The following RBM10 variants were observed in gnomAD, a reference collection of about 807,000 sequenced individuals.
RBM10 encodes the protein RNA-binding protein 10.
A neutral mutation model predicts 84.9 loss-of-function variants in RBM10; 1 was observed. That is an observed-to-expected ratio of 0.01 (90% confidence interval 0.00 to 0.06). The LOEUF (loss-of-function observed/expected upper bound fraction) is 0.06, where lower values mean the gene tolerates loss of function less well. RBM10 is among the 10% of genes least tolerant of loss of function. The pLI is 1.00. For missense variants in RBM10, 438 were observed against 839.0 expected, an observed-to-expected ratio of 0.52 and a Z score of 5.90; for synonymous variants, 326 against 344.5, an observed-to-expected ratio of 0.95 and a Z score of 0.60.
intron 17 of RBM10, 38 bp from the exon 18 acceptor site, chrX:47,185,017 G>A (rs1935803905): frequency 1.7e-6 from 2 of 1,189,988 alleles, no homozygotes; most frequent in Admixed American, 4.6e-5. Flanking sequence ...CCAGGGTCAT[G>A]AGGGTTCTGG....
At chrX:47,158,318 C>T (rs896414235) in intron 2 of RBM10, 24 of 124,816 alleles carry the variant, frequency 1.9e-4, no homozygotes, top group African/African-American at 6.4e-4. Flanking sequence ...GGAAAGGGCT[C>T]GGGGTGCGGG....
chrX:47,173,925 C>CTCTCTT, intron 5 of RBM10, among the ~76,000 whole-genome samples: 1 of 101,448 alleles, frequency 9.9e-6, no homozygotes, highest in Non-Finnish European at 2.0e-5. Flanking sequence ...CTCTCTCTCT[C>CTCTCTT]TCTCTCTCTT....
chrX:47,156,719 T>A (rs1169152957), intron 2 of RBM10: 1 of 162,611 alleles, frequency 6.1e-6, no homozygotes, highest in African/African-American at 3.2e-5. Flanking sequence ...TGCAGCAGAG[T>A]CTCGGGTGCG....
chrX:47,185,395 G>T lies in RBM10; in HGVS notation c.2166+28G>T, dbSNP rs201371248. The stretch of plus-strand genomic sequence containing the variant: ...GAGTGCCCAAGGCAGAGAGGGGCGG[G>T]GGCTCTGATCTGGCCAGGCCTGACC... On this transcript the variant is annotated intron_variant, in intron 19 of 23. Coordinates refer to ENST00000377604, the MANE Select transcript of RBM10 (RefSeq NM_005676.5). 283 of 1,181,533 alleles carry T rather than the reference G, an allele frequency of 2.4e-4. 1 individual carries two copies. The East Asian group carries it at 6.7e-3, about 28-fold the overall frequency.
At chrX:47,183,860 C>A (rs948598839) in intron 17 of RBM10, among the ~76,000 whole-genome samples, 49 of 109,270 alleles carry the variant, frequency 4.5e-4, no homozygotes, top group Non-Finnish European at 1.9e-4. Context: ...CCATGCCCAG[C>A]TAATTTTTTT....
chrX:47,156,173 C>T (rs1189590169), intron 2 of RBM10, among the ~76,000 whole-genome samples: 1 of 110,790 alleles, frequency 9.0e-6, no homozygotes, highest in Non-Finnish European at 1.9e-5. Flanking sequence ...CTAAGTTTCT[C>T]GTATTTTTTA....
chrX:47,173,930 T>TCTCTCTCA, intron 5 of RBM10, among the ~76,000 whole-genome samples: 1 of 95,765 alleles, frequency 1.0e-5, no homozygotes, highest in South Asian at 5.0e-4. Flanking sequence ...TCTCTCTCTC[T>TCTCTCTCA]CTCTTTCTCC....
rs1935845531 is a variant in RBM10, at chrX:47,185,585, C to G, written c.2310C>G (p.Ser770Arg). The G allele has an allele frequency of 8.3e-7, 1 of 1,203,390 alleles. No individual in the cohort carries two copies. The highest frequency in any genetic ancestry group is 2.2e-5 in the Admixed American group (1 of 45,013). ...ACLLCRRQFP[S>R]KEALIRHQQL... ...TGCTCTGCCGACGCCAGTTCCCCAG[C>G]AAAGAGGCGCTCATCCGGCACCAGC... Residue 770 changes from serine to arginine, a missense_variant, in exon 20 of 24, where the codon AGC (serine) becomes AGG (arginine). Physicochemically the swap from Ser to Arg is moderately radical, Grantham distance 110. Transcript: ENST00000377604.
At chrX:47,170,678 GA>G (rs1934580477) in intron 3 of RBM10, among the ~76,000 whole-genome samples, 1 of 112,263 alleles carries the variant, frequency 8.9e-6, no homozygotes, top group African/African-American at 3.2e-5. Flanking sequence ...GGCCAGAGAG[GA>G]GAGGAAAATC....
chrX:47,184,377 C>T (rs1463943192), intron 17 of RBM10, among the ~76,000 whole-genome samples: 1 of 111,445 alleles, frequency 9.0e-6, no homozygotes, highest in Non-Finnish European at 1.9e-5. Context: ...GTGATCCACC[C>T]GCCTTGGCCT....
In RBM10 at chrX:47,185,132, C is replaced by T. The variant is rs1215048668; in HGVS notation, c.2028C>T (p.Ile676=). 2.5e-6 allele frequency: 3 copies of T among 1,210,639 alleles called. No homozygotes were observed. The African/African-American group carries it at 5.2e-5, about 21-fold the overall frequency. Residue 676 remains isoleucine (I), a synonymous_variant, in exon 18 of 24, where the codon ATC becomes ATT. Transcript: ENST00000377604. ...KENFKNSFQP[I]SSLRDDERRE... ...ACTTCAAAAATAGCTTCCAGCCTAT[C>T]AGCTCCCTGCGAGATGACGAGAGGC...
intron 5 of RBM10, 27 bp downstream of exon 5, chrX:47,173,224 C>T (rs1556774416): frequency 8.3e-7 from 1 of 1,209,431 alleles, no homozygotes; most frequent in Admixed American, 2.2e-5. Flanking sequence ...GTGCCCTCCC[C>T]TTCAAGTGGC....
At chrX:47,152,580 G>T (rs1932832234) in intron 2 of RBM10, among the ~76,000 whole-genome samples, 1 of 104,356 alleles carries the variant, frequency 9.6e-6, no homozygotes, top group Non-Finnish European at 1.9e-5. Context: ...CCAAGTAGCT[G>T]GGATTACACG....
chrX:47,152,619 G>C (rs782602526), intron 2 of RBM10, among the ~76,000 whole-genome samples: 95 of 105,350 alleles, frequency 9.0e-4, no homozygotes, highest in Middle Eastern at 9.9e-3. Context: ...GCTAATTTTT[G>C]TATTTTTATT....
At chrX:47,168,104 A>T (rs1934366284) in intron 2 of RBM10, among the ~76,000 whole-genome samples, 1 of 112,107 alleles carries the variant, frequency 8.9e-6, no homozygotes, top group African/African-American at 3.2e-5. Flanking sequence ...TTAAATAAAC[A>T]TATATTGGTT....
rs1379351033 is a variant in RBM10 at position 47,181,678 on chromosome X, G to GAGGC, written c.1575+41_1575+44dup. On this transcript the variant is annotated intron_variant, in intron 14 of 23. Transcript: ENST00000377604. ...GAGCCCTGTGGGTATGTATCCCGGG[G>GAGGC]AGGCAGGCAGGCGGCAGGGGTGGCA... 69 of 1,206,288 alleles carry GAGGC rather than the reference G, an allele frequency of 5.7e-5. 2 individuals carry two copies. The African/African-American group carries it at 6.3e-4, about 11-fold the overall frequency.
chrX:47,169,802 C>T (rs1602551736), intron 3 of RBM10, among the ~76,000 whole-genome samples: 1 of 112,303 alleles, frequency 8.9e-6, no homozygotes. Flanking sequence ...CTGTACTGCC[C>T]GCTCCCAGCC....
Position 47,169,580 on chromosome X carries a change from A to C in RBM10, c.201+82A>C, listed in dbSNP as rs1934488014. Reference sequence around the variant, plus strand: ...TGTGTCTGGCTGCAGCACCGTGTGCAGGCAGCTCTCCACTCCCGTGCCTTC... The same window carrying C: ...TGTGTCTGGCTGCAGCACCGTGTGCCGGCAGCTCTCCACTCCCGTGCCTTC... On this transcript the variant is annotated intron_variant, in intron 3 of 23. Coordinates refer to ENST00000377604, the MANE Select transcript of RBM10 (RefSeq NM_005676.5). 3 of 1,013,891 alleles carry C rather than the reference A, an allele frequency of 3.0e-6. No individual in the cohort carries two copies. In the African/African-American group the frequency reaches 5.7e-5, roughly 19 times the overall value. 83.6% of individuals were successfully genotyped at this position (1,013,891 alleles called of 1,213,427 possible). A position where few individuals can be genotyped will look rare whatever the true frequency, so the allele number is the denominator to read the frequency against.
Position 47,185,675 on chromosome X carries a change from G to A in RBM10, c.2356-41G>A, listed in dbSNP as rs1556782103. The A allele has an allele frequency of 2.5e-6, 3 of 1,209,866 alleles. No homozygotes were observed. The East Asian group carries it at 8.9e-5, about 36-fold the overall frequency. ...AGGGCATGCTGGGGCCTGGCCCACTGAGGCTCATCCTCTTCACTTCTCATC... is the reference window on the plus strand; with the variant it reads ...AGGGCATGCTGGGGCCTGGCCCACTAAGGCTCATCCTCTTCACTTCTCATC... On this transcript the variant is annotated intron_variant, in intron 20 of 23. Coordinates refer to ENST00000377604, the MANE Select transcript of RBM10 (RefSeq NM_005676.5).
Sources: gnomAD v4.1 joint callset for allele counts (sites outside exome capture counted in the v4.1 genomes callset) on GRCh38, gnomAD v4.1.1 for gene constraint, MANE v1.5 for transcripts, NCBI Gene and HGNC (gene_info 2026-07-23, HGNC 2026-07-21) for gene names.